The following SCG3 variants were observed in gnomAD, a reference collection of about 807,000 sequenced individuals.
The protein encoded by SCG3 is secretogranin-3.
SCG3 carries 38 observed loss-of-function variants against 56.2 expected under a neutral mutation model. The ratio of observed to expected loss-of-function variants is 0.68; its 90% CI spans 0.52 to 0.89. The LOEUF is 0.89. Ranked by LOEUF, SCG3 falls within the 40% of genes least tolerant of loss-of-function variation. The pLI is 0.00. For synonymous variants in SCG3, 176 were observed against 184.2 expected (o/e 0.96, Z 0.36); for missense variants, 524 against 540.7 (o/e 0.97, Z 0.31).
chr15:51,696,964 C>T (rs753703759), intron 8 of SCG3, among the ~76,000 whole-genome samples: 12 of 152,122 alleles, frequency 7.9e-5, no homozygotes, highest in Non-Finnish European at 1.6e-4. Context: ...GGATGAACCT[C>T]ATTTTTTTTC....
At chr15:51,689,512 C>G (rs1316428773) in intron 6 of SCG3, 144 bp downstream of exon 6, 1 of 1,049,732 alleles carries the variant, frequency 9.5e-7, no homozygotes, top group Admixed American at 2.9e-5. Flanking sequence ...CATTTATATT[C>G]AGGCCAGACA....
At chr15:51,709,713 T>TATTTTTA (rs1286218925) in intron 10 of SCG3, among the ~76,000 whole-genome samples, 1 of 41,878 alleles carries the variant, frequency 2.4e-5, no homozygotes, top group Non-Finnish European at 4.5e-5. Context: ...TTTTTTTTTT[T>TATTTTTA]TTTTTTTTTT....
intron 6 of SCG3, among the ~76,000 whole-genome samples, chr15:51,690,564 C>T (rs2055260347): frequency 6.6e-6 from 1 of 150,938 alleles, no homozygotes; most frequent in Admixed American, 6.6e-5. Flanking sequence ...CTTTCCTCTG[C>T]TCTCCTTACT....
intron 10 of SCG3, among the ~76,000 whole-genome samples, chr15:51,705,966 A>G (rs1382283171): frequency 2.0e-5 from 3 of 152,216 alleles, no homozygotes; most frequent in African/African-American, 7.2e-5. Flanking sequence ...GATAAGGACA[A>G]CTGACTCTAA....
Position 51,720,889 on chromosome 15 carries a change from CA to C in SCG3, c.*1368del. On this transcript the variant is annotated 3_prime_UTR_variant, in exon 12 of 12. Coordinates refer to ENST00000220478, the MANE Select transcript of SCG3 (RefSeq NM_013243.4). ...TGAAAAAAAGGGCACTCTGATAGGG[CA>C]AAAACGGAACATGGGAGGGGACAAA... 5.6e-6 allele frequency: 1 copy of C among 179,124 alleles called. No homozygotes were observed. The highest frequency in any genetic ancestry group is 1.1e-5 in the Non-Finnish European group (1 of 90,078). 11.1% of individuals were successfully genotyped at this position (179,124 alleles called of 1,614,324 possible). A position where few individuals can be genotyped will look rare whatever the true frequency, so the allele number is the denominator to read the frequency against.
intron 10 of SCG3, among the ~76,000 whole-genome samples, chr15:51,711,199 G>A (rs982819825): frequency 9.2e-5 from 14 of 152,234 alleles, no homozygotes; most frequent in Non-Finnish European, 2.1e-4. Context: ...TGCTCTAGTA[G>A]CTAGCTATGA....
At chr15:51,695,388 C>T (rs1304325005) in intron 7 of SCG3, among the ~76,000 whole-genome samples, 3 of 152,128 alleles carry the variant, frequency 2.0e-5, no homozygotes, top group Non-Finnish European at 2.9e-5. Context: ...GTTCATGTTA[C>T]CTCAGGTTGA....
At chr15:51,688,112 C>A in intron 4 of SCG3, 148 bp from the exon 5 acceptor site, 3 of 721,366 alleles carry the variant, frequency 4.2e-6, no homozygotes, top group Admixed American at 3.4e-5. Flanking sequence ...TTATTTCAAA[C>A]CGAGGGTTTC....
chr15:51,703,035 AC>A (rs1369354496), intron 10 of SCG3, among the ~76,000 whole-genome samples: 1 of 152,058 alleles, frequency 6.6e-6, no homozygotes, highest in East Asian at 1.9e-4. Flanking sequence ...TGGTGGAGGA[AC>A]CCAGCCAATT....
chr15:51,687,248 C>T (rs938985805), intron 4 of SCG3, among the ~76,000 whole-genome samples: 3 of 152,118 alleles, frequency 2.0e-5, no homozygotes, highest in Admixed American at 2.0e-4. Flanking sequence ...AAATAGATAC[C>T]TTGTTAGACT....
In SCG3 at chr15:51,682,529, A is replaced by C. The variant is rs759378241; in HGVS notation, c.95A>C (p.His32Pro). Residue 32 changes from histidine to proline, a missense_variant, in exon 2 of 12, where the codon CAT becomes CCT. Coordinates refer to ENST00000220478, the MANE Select transcript of SCG3 (RefSeq NM_013243.4). ...KPGGSQDKSL[H>P]NRELSAERPL... is the part of the protein sequence containing the mutation. ...GTGTTTATTCTAGACAAATCTCTAC[A>C]TAATAGAGAATTAAGTGCAGAAAGA... 8.3e-6 allele frequency: 12 copies of C among 1,446,370 alleles called. No homozygotes were observed. The highest frequency in any genetic ancestry group is 1.1e-5 in the Non-Finnish European group (12 of 1,076,764). 89.6% of individuals were successfully genotyped at this position (1,446,370 alleles called of 1,614,324 possible). A position where few individuals can be genotyped will look rare whatever the true frequency, so the allele number is the denominator to read the frequency against.
chr15:51,705,524 T>C (rs935523588), intron 10 of SCG3, among the ~76,000 whole-genome samples: 1 of 144,282 alleles, frequency 6.9e-6, no homozygotes. Flanking sequence ...GTGTTATTCT[T>C]TTTTTTTTTT....
intron 10 of SCG3, among the ~76,000 whole-genome samples, chr15:51,706,566 T>C (rs1009085908): frequency 5.3e-5 from 8 of 152,144 alleles, no homozygotes; most frequent in Admixed American, 3.3e-4. Flanking sequence ...GGCAGGAATA[T>C]CTGTGGGGAG....
chr15:51,702,955 A>C (rs1853316054), intron 10 of SCG3, among the ~76,000 whole-genome samples: 1 of 152,192 alleles, frequency 6.6e-6, no homozygotes, highest in African/African-American at 2.4e-5. Context: ...ATGTCTCATT[A>C]GTAGATTCAT....
intron 7 of SCG3, chr15:51,695,635 A>G (rs2055297769): frequency 5.5e-6 from 2 of 361,936 alleles, no homozygotes; most frequent in South Asian, 1.3e-4. Context: ...GTGTTTACCT[A>G]TAGTTCCAAC....
intron 4 of SCG3, among the ~76,000 whole-genome samples, chr15:51,685,887 C>G (rs2055225705): frequency 1.3e-5 from 2 of 152,170 alleles, no homozygotes; most frequent in South Asian, 4.1e-4. Flanking sequence ...TGAGCAATTG[C>G]TATGTATTGG....
intron 5 of SCG3, among the ~76,000 whole-genome samples, 197 bp downstream of exon 5, chr15:51,688,599 A>G (rs1305817911): frequency 6.6e-6 from 1 of 152,126 alleles, no homozygotes; most frequent in Non-Finnish European, 1.5e-5. Flanking sequence ...CTAGGCAAGT[A>G]GACACACGCC....
chr15:51,704,312 T>G (rs1387016302), intron 10 of SCG3, among the ~76,000 whole-genome samples: 1 of 144,704 alleles, frequency 6.9e-6, no homozygotes, highest in African/African-American at 2.5e-5. Context: ...TGGTAAAATG[T>G]ACATAACCTA....
intron 10 of SCG3, among the ~76,000 whole-genome samples, chr15:51,702,281 G>A (rs962734620): frequency 3.3e-5 from 5 of 151,636 alleles, no homozygotes; most frequent in African/African-American, 1.2e-4. Context: ...TTTTGCAGTG[G>A]AGTCTCCCTC....
Sources: gnomAD v4.1 joint callset for allele counts (sites outside exome capture counted in the v4.1 genomes callset) on GRCh38, gnomAD v4.1.1 for gene constraint, MANE v1.5 for transcripts, NCBI Gene and HGNC (gene_info 2026-07-23, HGNC 2026-07-21) for gene names.